Variants in FCAMR observed in about 807,000 individuals in gnomAD.
FCAMR encodes the protein high affinity immunoglobulin alpha and immunoglobulin mu Fc receptor.
In FCAMR, 51 loss-of-function variants were observed where a neutral mutation model predicts 52.2. The ratio of observed to expected loss-of-function variants is 0.98; its 90% CI spans 0.78 to 1.23. FCAMR has a LOEUF of 1.23. FCAMR is among the 50% of genes most tolerant of loss of function. The pLI is 0.00. For missense variants in FCAMR, 719 were observed against 712.6 expected, an observed-to-expected ratio of 1.01 and a Z score of -0.10; for synonymous variants, 282 against 262.0, an observed-to-expected ratio of 1.08 and a Z score of -0.74.
At chr1:206,959,352 C>T (rs558247731) in intron 7 of FCAMR, among the ~76,000 whole-genome samples, 240 of 152,098 alleles carry the variant, frequency 1.6e-3, no homozygotes, top group African/African-American at 5.6e-3. Context: ...TGGTAAATGC[C>T]TGTAGTCCTA....
In FCAMR at chr1:206,960,868, G is replaced by A. The variant is rs3813955; in HGVS notation, c.1008C>T (p.Asn336=). 3,119 of 1,552,408 alleles carry A rather than the reference G, an allele frequency of 2.0e-3. 86 individuals are homozygous for A. In the East Asian group the frequency reaches 0.06, roughly 30 times the overall value. ...TCCTGTCCTTGCTGGCTCTAGCCCT[G>A]TTTGTCACCGAGCTTCTGGTGCCCT... ...VWEGTRSSVT[N]RARASKDRRE... The change falls in exon 6 of 8, where the codon AAC becomes AAT. Residue 336 remains asparagine (N), a synonymous_variant. Transcript: ENST00000324852.
In FCAMR at chr1:206,960,534, C is replaced by T. The variant is rs569976180; in HGVS notation, c.1342G>A (p.Ala448Thr). ...SMEAASGEGS[A>T]AGDLDAATGD... ...GTGGCAGCATCTAGGTCCCCTGCAG[C>T]GCTTCCTTCCCCAGATGCTGCCTCC... The change falls in exon 6 of 8, where the codon GCT becomes ACT. Residue 448 changes from alanine to threonine, a missense_variant. Ala to Thr is a moderately conservative substitution (Grantham distance 58). Coordinates refer to ENST00000324852, the MANE Select transcript of FCAMR (RefSeq NM_001170631.2). The T allele has an allele frequency of 1.2e-5, 18 of 1,551,704 alleles. No homozygotes were observed. Among genetic ancestry groups the T allele is most frequent in the Middle Eastern group, 3.3e-4 (2 of 5,988 alleles).
At chr1:206,967,194 C>T in intron 2 of FCAMR, 82 bp from the exon 3 acceptor site, 1 of 1,447,646 alleles carries the variant, frequency 6.9e-7, no homozygotes, top group Non-Finnish European at 9.6e-7. Flanking sequence ...AGCATCTTCT[C>T]ACTTTGGGAT....
intron 1 of FCAMR, among the ~76,000 whole-genome samples, chr1:206,969,865 G>A (rs1680867899): frequency 6.6e-6 from 1 of 152,134 alleles, no homozygotes; most frequent in Non-Finnish European, 1.5e-5. Context: ...AATTACCCAG[G>A]ACTTCTAAGG....
intron 2 of FCAMR, 136 bp downstream of exon 2, chr1:206,967,447 C>T (rs1680756745): frequency 3.3e-6 from 3 of 915,854 alleles, no homozygotes; most frequent in Non-Finnish European, 5.2e-6. Flanking sequence ...GTGGGGAGCA[C>T]CGTGTAGTGG....
At position 206,958,657 on chromosome 1, in the gene FCAMR, G is replaced by A. The variant is rs1265526313; in HGVS notation, c.1593C>T (p.Val531=). 6.2e-7 allele frequency: 1 copy of A among 1,614,046 alleles called. No individual in the cohort carries two copies. Among genetic ancestry groups the A allele is most frequent in the Admixed American group, 1.7e-5 (1 of 60,022 alleles). The part of the protein sequence containing the change: ...RRRTSQEAER[V]TLIQMTHFLE... The stretch of plus-strand genomic sequence containing the variant: ...GAAAATGTGTCATCTGAATTAAGGT[G>A]ACCCTTTCTGCCTCCTGAGCTGCAG... Residue 531 remains valine, a synonymous_variant, in exon 8 of 8, where the codon GTC becomes GTT. Transcript: ENST00000324852.
intron 5 of FCAMR, among the ~76,000 whole-genome samples, chr1:206,961,575 CT>C (rs1190383219): frequency 6.6e-6 from 1 of 152,270 alleles, no homozygotes; most frequent in African/African-American, 2.4e-5. Flanking sequence ...CACTCCACTT[CT>C]AGCAGAGCAG....
At chr1:206,960,358 C>G (rs1002801423) in intron 6 of FCAMR, 64 bp downstream of exon 6, 2 of 1,425,464 alleles carry the variant, frequency 1.4e-6, no homozygotes, top group Non-Finnish European at 1.9e-6. Flanking sequence ...GAGGGGCCTC[C>G]CTTGCATGCC....
At chr1:206,960,332 G>T in intron 6 of FCAMR, 90 bp downstream of exon 6, 1 of 1,292,958 alleles carries the variant, frequency 7.7e-7, no homozygotes, top group Non-Finnish European at 1.0e-6. Context: ...CAAAGGGAGA[G>T]AAGTGAGCAG....
In FCAMR at chr1:206,967,073, G is replaced by A; in HGVS notation, c.148C>T (p.Leu50Phe). The A allele has an allele frequency of 6.2e-7, 1 of 1,613,984 alleles. No homozygotes were observed. The highest frequency in any genetic ancestry group is 1.3e-5 in the African/African-American group (1 of 75,034). ...TCACCTTGTAGCAGGCACAGTATGA[G>A]GAAGAGGGGCATTTTCCATCCCGCC... Reference protein sequence around the residue: ...RRAGWKMPLFLILCLLQGSSF... With the variant: ...RRAGWKMPLFFILCLLQGSSF... The change falls in exon 3 of 8, where the codon CTC becomes TTC. Residue 50 changes from leucine to phenylalanine, a missense_variant. Transcript: ENST00000324852.
intron 7 of FCAMR, chr1:206,958,963 G>A: frequency 1.8e-6 from 1 of 559,822 alleles, no homozygotes; most frequent in East Asian, 4.6e-5. Flanking sequence ...TTAAACCTGG[G>A]CATGTTGCTC....
At position 206,961,231 on chromosome 1, in the gene FCAMR, G is replaced by A; in HGVS notation, c.653-8C>T. 6.5e-7 allele frequency: 1 copy of A among 1,530,936 alleles called. No individual in the cohort carries two copies. 94.8% of individuals were successfully genotyped at this position (1,530,936 alleles called of 1,614,324 possible). Reference sequence around the variant, plus strand: ...GGAGGGTGCTGGCGGGACCTGTGTGGACAGCAGAGGGAGGCCACATGGGAA... The same window carrying A: ...GGAGGGTGCTGGCGGGACCTGTGTGAACAGCAGAGGGAGGCCACATGGGAA... On this transcript the variant is annotated splice_region_variant and splice_polypyrimidine_tract_variant and intron_variant, in intron 5 of 7. Transcript: ENST00000324852.
chr1:206,961,566 A>G (rs1164080225), intron 5 of FCAMR, among the ~76,000 whole-genome samples: 1 of 152,122 alleles, frequency 6.6e-6, no homozygotes, highest in Non-Finnish European at 1.5e-5. Context: ...TAAAAGAAAC[A>G]CTCCACTTCT....
Position 206,961,226 on chromosome 1 carries a change from G to A in FCAMR, c.653-3C>T. The A allele has an allele frequency of 1.3e-6, 2 of 1,537,092 alleles. No homozygotes were observed. Among genetic ancestry groups the A allele is most frequent in the Non-Finnish European group, 1.8e-6 (2 of 1,140,274 alleles). On this transcript the variant is annotated splice_region_variant and splice_polypyrimidine_tract_variant and intron_variant, in intron 5 of 7. Transcript: ENST00000324852. ...TGTGGGGAGGGTGCTGGCGGGACCT[G>A]TGTGGACAGCAGAGGGAGGCCACAT...
At chr1:206,960,168 A>G (rs772667238) in intron 6 of FCAMR, 2 of 527,856 alleles carry the variant, frequency 3.8e-6, no homozygotes, top group Non-Finnish European at 6.7e-6. Context: ...CTTTAAAAAC[A>G]GAAAGTCCTA....
At chr1:206,959,636 G>C in intron 7 of FCAMR, 43 bp downstream of exon 7, 1 of 1,526,694 alleles carries the variant, frequency 6.6e-7, no homozygotes. Context: ...TGTCAGGTGG[G>C]AACCAGAACT....
chr1:206,958,833 G>A, intron 7 of FCAMR, 157 bp from the exon 8 acceptor site: 3 of 913,724 alleles, frequency 3.3e-6, no homozygotes, highest in Non-Finnish European at 5.2e-6. Flanking sequence ...CCTAGCCCAT[G>A]ATAGGGCTTG....
At position 206,962,418 on chromosome 1, in the gene FCAMR, T is replaced by A. The variant is rs1475886896; in HGVS notation, c.447A>T (p.Arg149Ser). 6.2e-7 allele frequency: 1 copy of A among 1,613,978 alleles called. No homozygotes were observed. The highest frequency in any genetic ancestry group is 8.5e-7 in the Non-Finnish European group (1 of 1,180,018). Residue 149 changes from arginine (R) to serine (S), a missense_variant, in exon 5 of 8, where the codon AGA becomes AGT. Transcript: ENST00000324852. ...RKYWCRLGPP[R>S]WICQTIVSTN... is the part of the protein sequence containing the mutation. ...TGGACACAATGGTCTGGCAGATCCATCTTGGGGGCCCCAGACGGCACCAGT... is the reference window on the plus strand; with the variant it reads ...TGGACACAATGGTCTGGCAGATCCAACTTGGGGGCCCCAGACGGCACCAGT...
rs1365378747 is a variant in FCAMR, at chr1:206,966,005, C to T, written c.170-147G>A. 5 of 1,046,638 alleles carry T rather than the reference C, an allele frequency of 4.8e-6. No individual in the cohort carries two copies. In the African/African-American group the frequency reaches 6.5e-5, roughly 14 times the overall value. The allele number at this position is 1,046,638 out of a possible 1,614,324, so 64.8% of individuals were successfully genotyped here. A position where few individuals can be genotyped will look rare whatever the true frequency, so the allele number is the denominator to read the frequency against. ...CCATCAAGTAAGAGCTGCCTGCCCT[C>T]CTGCAGCTTCTCCCTCCCACTGCTA... On this transcript the variant is annotated intron_variant, in intron 3 of 7. Coordinates refer to ENST00000324852, the MANE Select transcript of FCAMR (RefSeq NM_001170631.2).
Sources: gnomAD v4.1 joint callset for allele counts (sites outside exome capture counted in the v4.1 genomes callset) on GRCh38, gnomAD v4.1.1 for gene constraint, MANE v1.5 for transcripts, NCBI Gene and HGNC (gene_info 2026-07-23, HGNC 2026-07-21) for gene names.